Variants in CDKN3 observed in about 807,000 individuals in gnomAD.
CDKN3 encodes cyclin-dependent kinase inhibitor 3.
Under a neutral mutation model 36.1 loss-of-function variants are expected in CDKN3, and 19 were observed. That is an observed-to-expected ratio of 0.53 (90% confidence interval 0.37 to 0.77). The LOEUF (loss-of-function observed/expected upper bound fraction) is 0.77, where lower values mean the gene tolerates loss of function less well. Among genes scored for constraint, CDKN3 ranks in the 30% least tolerant of loss-of-function variants. CDKN3 has a pLI of 0.00. For missense variants in CDKN3, 188 were observed against 248.6 expected, an observed-to-expected ratio of 0.76 and a Z score of 1.64; for synonymous variants, 71 against 85.3, an observed-to-expected ratio of 0.83 and a Z score of 0.92.
chr14:54,399,694 C>T (rs533298619), intron 1 of CDKN3, among the ~76,000 whole-genome samples, 200 bp from the exon 2 acceptor site: 19 of 152,268 alleles, frequency 1.2e-4, no homozygotes, highest in African/African-American at 4.6e-4. Flanking sequence ...AACTCTCTTT[C>T]CACTATGCAG....
intron 5 of CDKN3, chr14:54,414,293 C>G (rs756734040): frequency 1.3e-5 from 2 of 152,132 alleles, no homozygotes; most frequent in African/African-American, 2.4e-5. Flanking sequence ...CCAAGACTAC[C>G]AAACGAGGCA....
intron 5 of CDKN3, among the ~76,000 whole-genome samples, chr14:54,413,157 T>G (rs1420967493): frequency 1.3e-5 from 2 of 152,244 alleles, no homozygotes; most frequent in Admixed American, 6.5e-5. Context: ...TTCTACATCC[T>G]ATTGTTTCCC....
At chr14:54,406,921 T>C (rs2030178818) in intron 3 of CDKN3, among the ~76,000 whole-genome samples, 1 of 152,166 alleles carries the variant, frequency 6.6e-6, no homozygotes. Context: ...AGAAGAGGTA[T>C]TCTGGTTTTT....
At chr14:54,412,723 T>C in intron 5 of CDKN3, 1 of 350,464 alleles carries the variant, frequency 2.9e-6, no homozygotes, top group East Asian at 7.4e-5. Flanking sequence ...AGAGATGCTC[T>C]GCCGGAAGTG....
chr14:54,404,829 C>T (rs2030097574), intron 3 of CDKN3, among the ~76,000 whole-genome samples: 1 of 152,176 alleles, frequency 6.6e-6, no homozygotes, highest in Non-Finnish European at 1.5e-5. Flanking sequence ...ATCCACCCGC[C>T]TTGGCCTCCC....
chr14:54,415,590 T>G (rs1385518299), intron 5 of CDKN3, among the ~76,000 whole-genome samples: 1 of 152,166 alleles, frequency 6.6e-6, no homozygotes, highest in Non-Finnish European at 1.5e-5. Context: ...AAAGTGACAG[T>G]TGGTAAAAGT....
chr14:54,412,360 G>C (rs4251643), intron 5 of CDKN3, among the ~76,000 whole-genome samples: 3,168 of 149,900 alleles, frequency 0.021, 68 homozygotes, highest in Admixed American at 0.063. Flanking sequence ...ACTCCAGCCT[G>C]GGTGACAGGG....
intron 6 of CDKN3, among the ~76,000 whole-genome samples, chr14:54,416,834 T>C (rs1390571583): frequency 6.6e-6 from 1 of 151,878 alleles, no homozygotes; most frequent in African/African-American, 2.4e-5. Context: ...AAAATAATAA[T>C]AATAAACAAA....
chr14:54,413,515 T>C, intron 5 of CDKN3: 1 of 892,376 alleles, frequency 1.1e-6, no homozygotes, highest in Non-Finnish European at 1.8e-6. Flanking sequence ...ACAAACAGGA[T>C]AGACAGTAGA....
chr14:54,402,952 G>A (rs536224344), intron 3 of CDKN3, among the ~76,000 whole-genome samples: 3 of 152,240 alleles, frequency 2.0e-5, no homozygotes, highest in African/African-American at 7.2e-5. Flanking sequence ...TGTTACTATA[G>A]CCTTGTAGTA....
At position 54,399,774 on chromosome 14, in the gene CDKN3, C is replaced by G. The variant is rs1309277423; in HGVS notation, c.10-120C>G. Reference sequence around the variant, plus strand: ...TAATATTGCTGATCTCGTTAATATTCTGGATTGATGGCTGAATACATTGCA... The same window carrying G: ...TAATATTGCTGATCTCGTTAATATTGTGGATTGATGGCTGAATACATTGCA... On this transcript the variant is annotated intron_variant, in intron 1 of 7. Transcript: ENST00000335183. The G allele has an allele frequency of 4.4e-6, 3 of 680,314 alleles. No homozygotes were observed. The East Asian group carries it at 8.0e-5, about 18-fold the overall frequency. The allele number at this position is 680,314 out of a possible 1,614,324, so 42.1% of individuals were successfully genotyped here.
At chr14:54,401,818 C>T (rs374136192) in intron 3 of CDKN3, among the ~76,000 whole-genome samples, 1 of 152,114 alleles carries the variant, frequency 6.6e-6, no homozygotes, top group African/African-American at 2.4e-5. Flanking sequence ...TCCAATGTAT[C>T]ATTCTTATGC....
intron 7 of CDKN3, 150 bp from the exon 8 acceptor site, chr14:54,419,841 CT>C (rs1022492356): frequency 5.7e-6 from 3 of 525,662 alleles, no homozygotes; most frequent in African/African-American, 3.9e-5. Context: ...AAAGATAAAA[CT>C]TCCCCATGAT....
intron 3 of CDKN3, among the ~76,000 whole-genome samples, chr14:54,402,586 G>C (rs899468989): frequency 6.6e-6 from 1 of 152,086 alleles, no homozygotes; most frequent in South Asian, 2.1e-4. Flanking sequence ...GGCTTTTGTT[G>C]CAATCGCCTT....
intron 3 of CDKN3, among the ~76,000 whole-genome samples, chr14:54,406,204 T>G (rs1316385965): frequency 6.6e-6 from 1 of 152,216 alleles, no homozygotes; most frequent in East Asian, 1.9e-4. Context: ...TGCAGAGAGA[T>G]ATGCTGTTAA....
In CDKN3 at chr14:54,417,873, G is replaced by A. The variant is rs375330834; in HGVS notation, c.474G>A (p.Leu158=). 3.1e-6 allele frequency: 5 copies of A among 1,596,232 alleles called. No individual in the cohort carries two copies. In the South Asian group the frequency reaches 5.7e-5, roughly 18 times the overall value. Residue 158 remains leucine, a synonymous_variant, in exon 7 of 8, where the codon CTG becomes CTA. Transcript: ENST00000335183. ...CLVAACLLLY[L]SDTISPEQAI... ...TAGCTGCTTGTCTCCTACTATACCT[G>A]TCTGACACAATATCACCAGAGCAAG...
At chr14:54,407,698 C>A (rs925280162) in intron 3 of CDKN3, among the ~76,000 whole-genome samples, 1 of 152,212 alleles carries the variant, frequency 6.6e-6, no homozygotes, top group Admixed American at 6.5e-5. Context: ...CCCCTCCCCC[C>A]ACCAAGCTGG....
intron 3 of CDKN3, among the ~76,000 whole-genome samples, chr14:54,405,615 A>G (rs888862199): frequency 3.3e-5 from 5 of 151,480 alleles, no homozygotes; most frequent in Non-Finnish European, 7.4e-5. Flanking sequence ...TTCTTTTTTT[A>G]TCTTTGTTGG....
intron 7 of CDKN3, among the ~76,000 whole-genome samples, 192 bp from the exon 8 acceptor site, chr14:54,419,797 GAAC>G (rs1338010216): frequency 9.2e-5 from 14 of 152,188 alleles, no homozygotes; most frequent in African/African-American, 2.9e-4. Flanking sequence ...GAGACTTGTA[GAAC>G]AATAGTTTTT....
Sources: allele counts gnomAD v4.1 joint callset (sites outside exome capture counted in the v4.1 genomes callset), GRCh38; gene constraint gnomAD v4.1.1; transcripts MANE v1.5; gene names NCBI Gene and HGNC (gene_info 2026-07-23, HGNC 2026-07-21).